CSGALNACT1: variants seen among roughly 807,000 people sequenced by gnomAD.
The protein encoded by CSGALNACT1 is chondroitin sulfate N-acetylgalactosaminyltransferase 1.
In CSGALNACT1, 52 loss-of-function variants were observed where a neutral mutation model predicts 51.0. The ratio of observed to expected loss-of-function variants is 1.02; its 90% CI spans 0.82 to 1.29. CSGALNACT1 has a LOEUF of 1.29. Among genes scored for constraint, CSGALNACT1 ranks in the 50% most tolerant of loss-of-function variants. CSGALNACT1 has a pLI of 0.00. For missense variants in CSGALNACT1, 935 were observed against 679.2 expected (o/e 1.38, Z -4.19); for synonymous variants, 341 against 254.4 (o/e 1.34, Z -3.24).
chr8:19,752,142 A>ATATG (rs145740540), intron 1 of CSGALNACT1, among the ~76,000 whole-genome samples: 112,988 of 147,176 alleles, frequency 0.77, 43,663 homozygotes, highest in Middle Eastern at 0.92. Flanking sequence ...ATATTATATG[A>ATATG]TATTATATGA....
At chr8:19,528,875 G>A (rs2082218886) in intron 3 of CSGALNACT1, among the ~76,000 whole-genome samples, 1 of 152,208 alleles carries the variant, frequency 6.6e-6, no homozygotes, top group Admixed American at 6.5e-5. Flanking sequence ...AAACGCTAAG[G>A]CTAGGATGGT....
chr8:19,533,847 A>G (rs947812839), intron 3 of CSGALNACT1, among the ~76,000 whole-genome samples: 3 of 152,292 alleles, frequency 2.0e-5, no homozygotes. Context: ...ATACATGGAA[A>G]ACAAAGCTTA....
intron 1 of CSGALNACT1, among the ~76,000 whole-genome samples, chr8:19,727,772 G>A (rs373253703): frequency 3.3e-5 from 5 of 152,164 alleles, no homozygotes; most frequent in South Asian, 4.1e-4. Context: ...TTCCTGACAC[G>A]TAGGTATAAC....
chr8:19,678,021 T>A (rs1232648043), intron 1 of CSGALNACT1, among the ~76,000 whole-genome samples: 2 of 152,000 alleles, frequency 1.3e-5, no homozygotes, highest in African/African-American at 2.4e-5. Flanking sequence ...GAGGCTGACA[T>A]GCTTGAGCCC....
chr8:19,458,305 G>C (rs2064564112), intron 5 of CSGALNACT1, 121 bp downstream of exon 4: 1 of 901,256 alleles, frequency 1.1e-6, no homozygotes, highest in Non-Finnish European at 1.9e-6. Flanking sequence ...AGAAAACAGA[G>C]CTGAATAAGA....
chr8:19,579,599 T>C (rs552261198), intron 3 of CSGALNACT1, among the ~76,000 whole-genome samples: 38 of 152,364 alleles, frequency 2.5e-4, no homozygotes, highest in African/African-American at 8.9e-4. Context: ...TACCATACTA[T>C]AAGATCCTCA....
intron 1 of CSGALNACT1, among the ~76,000 whole-genome samples, chr8:19,645,099 T>C (rs1386862601): frequency 2.0e-5 from 3 of 152,214 alleles, no homozygotes; most frequent in Non-Finnish European, 4.4e-5. Context: ...TTTGATATGA[T>C]TAGACTGTCA....
At chr8:19,593,456 T>C (rs2048258788) in intron 2 of CSGALNACT1, among the ~76,000 whole-genome samples, 2 of 152,044 alleles carry the variant, frequency 1.3e-5, no homozygotes, top group African/African-American at 4.8e-5. Flanking sequence ...AGGTCTGGAG[T>C]GGGGCCTGGG....
chr8:19,411,318 G>T (rs944301012), intron 8 of CSGALNACT1, among the ~76,000 whole-genome samples: 2 of 152,210 alleles, frequency 1.3e-5, no homozygotes, highest in African/African-American at 4.8e-5. Flanking sequence ...CTGCTTCTCT[G>T]TTTGCTGACT....
chr8:19,585,701 G>A (rs530794942), intron 3 of CSGALNACT1, among the ~76,000 whole-genome samples: 1 of 152,136 alleles, frequency 6.6e-6, no homozygotes, highest in Admixed American at 6.5e-5. Flanking sequence ...GATTCTAGAA[G>A]GTGTTAGGCC....
chr8:19,572,481 C>A (rs2043242301), intron 3 of CSGALNACT1, among the ~76,000 whole-genome samples: 1 of 152,142 alleles, frequency 6.6e-6, no homozygotes, highest in Non-Finnish European at 1.5e-5. Context: ...ATAAACTAGC[C>A]TTACCTATGG....
At chr8:19,608,707 T>C (rs1361092155) in intron 1 of CSGALNACT1, among the ~76,000 whole-genome samples, 1 of 152,202 alleles carries the variant, frequency 6.6e-6, no homozygotes, top group Admixed American at 6.5e-5. Context: ...CAATTCCCTC[T>C]GGCTAAATTC....
upstream of CSGALNACT1, among the ~76,000 whole-genome samples, chr8:19,605,689 G>C (rs767240063): frequency 6.6e-6 from 1 of 152,130 alleles, no homozygotes; most frequent in African/African-American, 2.4e-5. Flanking sequence ...ACTTGGTTTT[G>C]CAAGTTTTTC....
At chr8:19,567,541 C>A (rs187571952) in intron 3 of CSGALNACT1, among the ~76,000 whole-genome samples, 8 of 152,142 alleles carry the variant, frequency 5.3e-5, no homozygotes. Flanking sequence ...ATTGGGGAAA[C>A]GTTAAAACTT....
chr8:19,624,932 C>G (rs1471992725), intron 1 of CSGALNACT1, among the ~76,000 whole-genome samples: 1 of 152,198 alleles, frequency 6.6e-6, no homozygotes, highest in Non-Finnish European at 1.5e-5. Context: ...CCACCTCGGC[C>G]TCCCAAAATG....
chr8:19,732,088 C>T (rs1300586150), intron 1 of CSGALNACT1, among the ~76,000 whole-genome samples: 2 of 152,160 alleles, frequency 1.3e-5, no homozygotes, highest in African/African-American at 2.4e-5. Context: ...AATTAGGTAA[C>T]GTAAGCTAAA....
chr8:19,521,207 T>A (rs17128545), intron 3 of CSGALNACT1, among the ~76,000 whole-genome samples: 1 of 152,114 alleles, frequency 6.6e-6, no homozygotes, highest in Admixed American at 6.5e-5. Context: ...CAGAATTGAA[T>A]TTTAGCAAAT....
intron 1 of CSGALNACT1, among the ~76,000 whole-genome samples, chr8:19,722,685 G>T: frequency 6.6e-6 from 1 of 152,288 alleles, no homozygotes; most frequent in African/African-American, 2.4e-5. Flanking sequence ...AGTCATGGAT[G>T]GGCACTGGCC....
At chr8:19,447,403 C>T (rs994047451) in intron 5 of CSGALNACT1, among the ~76,000 whole-genome samples, 4 of 152,306 alleles carry the variant, frequency 2.6e-5, no homozygotes, top group African/African-American at 9.6e-5. Flanking sequence ...GGGAACCAGA[C>T]AGATAGAATG....
Sources: gnomAD v4.1 joint callset for allele counts (sites outside exome capture counted in the v4.1 genomes callset) on GRCh38, gnomAD v4.1.1 for gene constraint, MANE v1.5 for transcripts, NCBI Gene and HGNC (gene_info 2026-07-23, HGNC 2026-07-21) for gene names.